PLCB1: variants seen among roughly 807,000 people sequenced by gnomAD.
PLCB1 encodes the protein phospholipase C beta 1, also known as 1-phosphatidylinositol 4,5-bisphosphate phosphodiesterase beta-1.
Under a neutral mutation model 161.8 loss-of-function variants are expected in PLCB1, and 46 were observed. The ratio of observed to expected loss-of-function variants is 0.28; its 90% CI spans 0.22 to 0.36. The LOEUF (loss-of-function observed/expected upper bound fraction) is 0.36. Ranked by LOEUF, PLCB1 falls within the 10% of genes least tolerant of loss-of-function variation. The pLI is 1.00. For missense variants in PLCB1, 1,016 were observed against 1,472.5 expected, an observed-to-expected ratio of 0.69 and a Z score of 5.07; for synonymous variants, 517 against 503.7, an observed-to-expected ratio of 1.03 and a Z score of -0.35.
At chr20:8,215,458 CA>C (rs921909702) in intron 2 of PLCB1, among the ~76,000 whole-genome samples, 6 of 151,960 alleles carry the variant, frequency 3.9e-5, no homozygotes, top group Admixed American at 3.3e-4. Flanking sequence ...CTTTGAATTG[CA>C]GCCAATCAGA....
chr20:8,756,496 G>C (rs1981743122), intron 23 of PLCB1, among the ~76,000 whole-genome samples: 2 of 152,132 alleles, frequency 1.3e-5, no homozygotes, highest in South Asian at 4.1e-4. Flanking sequence ...TGCATTATCT[G>C]GTCAGCTGGG....
chr20:8,448,882 C>T (rs943916036), intron 3 of PLCB1, among the ~76,000 whole-genome samples: 2 of 152,132 alleles, frequency 1.3e-5, no homozygotes, highest in Non-Finnish European at 2.9e-5. Context: ...ATTACATCTC[C>T]TGAAAGGCAA....
intron 2 of PLCB1, among the ~76,000 whole-genome samples, chr20:8,362,666 T>C (rs1986580757): frequency 6.6e-6 from 1 of 152,228 alleles, no homozygotes; most frequent in African/African-American, 2.4e-5. Flanking sequence ...GCCACCAAAC[T>C]ATCTCACCTG....
intron 31 of PLCB1, among the ~76,000 whole-genome samples, chr20:8,793,936 G>A (rs571052859): frequency 9.9e-5 from 15 of 152,248 alleles, no homozygotes; most frequent in South Asian, 4.2e-4. Context: ...AGACCCACCC[G>A]CAGGCGCACA....
intron 3 of PLCB1, among the ~76,000 whole-genome samples, chr20:8,398,926 G>A (rs1978420709): frequency 1.3e-5 from 2 of 151,388 alleles, no homozygotes; most frequent in Non-Finnish European, 3.0e-5. Context: ...GTGTTTTTTT[G>A]TTGCTGTTGT....
intron 3 of PLCB1, among the ~76,000 whole-genome samples, chr20:8,436,451 C>A (rs35466057): frequency 0.4 from 59,507 of 150,606 alleles, 11,953 homozygotes; most frequent in South Asian, 0.49. Flanking sequence ...AAAAACAAGA[C>A]AACAAACACT....
At chr20:8,881,203 T>C (rs1987968769) in intron 31 of PLCB1, among the ~76,000 whole-genome samples, 1 of 151,942 alleles carries the variant, frequency 6.6e-6, no homozygotes, top group Non-Finnish European at 1.5e-5. Flanking sequence ...TTTCACCCCA[T>C]GCTGGTCTTA....
chr20:8,671,232 T>C (rs1989934983), intron 9 of PLCB1, among the ~76,000 whole-genome samples: 1 of 152,226 alleles, frequency 6.6e-6, no homozygotes, highest in Non-Finnish European at 1.5e-5. Context: ...TGTAGATTTT[T>C]CTGTGCTGCA....
chr20:8,807,927 CA>C (rs1265760665), intron 31 of PLCB1, among the ~76,000 whole-genome samples: 3 of 151,954 alleles, frequency 2.0e-5, no homozygotes, highest in African/African-American at 7.3e-5. Flanking sequence ...TGCACTGGGA[CA>C]AAAGACTATG....
intron 3 of PLCB1, among the ~76,000 whole-genome samples, chr20:8,513,849 A>T (rs1454156742): frequency 6.6e-6 from 1 of 150,868 alleles, no homozygotes; most frequent in Non-Finnish European, 1.5e-5. Context: ...TGTCTCTATT[A>T]AAAAAAAAGT....
intron 3 of PLCB1, among the ~76,000 whole-genome samples, chr20:8,470,177 T>C (rs186358841): frequency 2.8e-4 from 43 of 152,330 alleles, no homozygotes; most frequent in African/African-American, 7.5e-4. Flanking sequence ...CATTCATCAG[T>C]TGATGGACAT....
chr20:8,329,627 G>A (rs1838183115), intron 2 of PLCB1, among the ~76,000 whole-genome samples: 2 of 152,146 alleles, frequency 1.3e-5, no homozygotes, highest in Admixed American at 6.5e-5. Context: ...TGTTTCTTGT[G>A]CAATGATAAT....
chr20:8,341,794 G>A (rs1483576814), intron 2 of PLCB1, among the ~76,000 whole-genome samples: 2 of 152,078 alleles, frequency 1.3e-5, no homozygotes, highest in African/African-American at 2.4e-5. Flanking sequence ...CCTGCTATGT[G>A]CTAATTCTGT....
chr20:8,677,478 T>A (rs1481207170), intron 9 of PLCB1, among the ~76,000 whole-genome samples: 1 of 152,178 alleles, frequency 6.6e-6, no homozygotes, highest in Non-Finnish European at 1.5e-5. Context: ...TAATAATTCA[T>A]GTTTTTTTCC....
In PLCB1 at chr20:8,471,921, C is replaced by G. The variant is rs114184829; in HGVS notation, c.246+100471C>G. Among the ~76,000 whole-genome samples, 1,460 of 152,218 alleles carry G rather than the reference C, an allele frequency of 9.6e-3. 25 individuals carry two copies. Among genetic ancestry groups the G allele is most frequent in the African/African-American group, 0.033 (1,356 of 41,536 alleles). ...TTTCCTCATAAATTTAGGGAGAATGCAGCTATTTCTAAAAATAGGAATTAA... is the reference window on the plus strand; with the variant it reads ...TTTCCTCATAAATTTAGGGAGAATGGAGCTATTTCTAAAAATAGGAATTAA... On this transcript the variant is annotated intron_variant, in intron 3 of 31. Transcript: ENST00000338037.
rs549570119 is a variant in PLCB1 at position 8,212,254 on chromosome 20, A to C, written c.177+61883A>C. On this transcript the variant is annotated intron_variant, in intron 2 of 31. Coordinates refer to ENST00000338037, the MANE Select transcript of PLCB1 (RefSeq NM_015192.4). ...TTTTTGTTTTGCTTTATTTTCAAGC[A>C]AATCAAAACTTCTTCAGCATAAATA... is the stretch of plus-strand genomic sequence containing the variant. Among the ~76,000 whole-genome samples the C allele has an allele frequency of 3.3e-5, 5 of 152,300 alleles. No homozygotes were observed. In the East Asian group the frequency reaches 9.7e-4, roughly 29 times the overall value.
intron 4 of PLCB1, among the ~76,000 whole-genome samples, chr20:8,630,062 C>T (rs1206920803): frequency 8.4e-6 from 1 of 119,196 alleles, no homozygotes; most frequent in African/African-American, 3.2e-5. Context: ...TCCTTTCTTT[C>T]TTTTTCTCTC....
At chr20:8,647,685 C>G (rs1252689314) in intron 5 of PLCB1, among the ~76,000 whole-genome samples, 2 of 152,100 alleles carry the variant, frequency 1.3e-5, no homozygotes, top group Non-Finnish European at 2.9e-5. Flanking sequence ...GATAACAGTT[C>G]CCTTTGGCAG....
intron 3 of PLCB1, among the ~76,000 whole-genome samples, chr20:8,546,313 CAAAAAAAAAA>C (rs369485988): frequency 4.9e-5 from 5 of 102,938 alleles, no homozygotes; most frequent in African/African-American, 1.1e-4. Context: ...GACTCTATCT[CAAAAAAAAAA>C]AAAAAAAAAA....
Sources: gnomAD v4.1 joint callset for allele counts (sites outside exome capture counted in the v4.1 genomes callset) on GRCh38, gnomAD v4.1.1 for gene constraint, MANE v1.5 for transcripts, NCBI Gene and HGNC (gene_info 2026-07-23, HGNC 2026-07-21) for gene names.